Variants in CENPF observed in about 807,000 individuals in gnomAD.
CENPF encodes AH antigen.
CENPF carries 214 observed loss-of-function variants against 307.3 expected under a neutral mutation model. The observed-to-expected ratio is 0.70, with a 90% CI of 0.62 to 0.78. CENPF has a LOEUF of 0.78. Ranked by LOEUF, CENPF falls within the 30% of genes least tolerant of loss-of-function variation. The probability of loss-of-function intolerance (pLI) is 0.00; values close to 1 mark genes in which losing one functional copy is unlikely to be tolerated. For missense variants in CENPF, 3,401 were observed against 3,483.9 expected (o/e 0.98, Z 0.60); for synonymous variants, 1,259 against 1,270.6 (o/e 0.99, Z 0.19).
At chr1:214,653,811 A>G (rs972779328) in intron 16 of CENPF, 2 of 152,206 alleles carry the variant, frequency 1.3e-5, no homozygotes, top group African/African-American at 4.8e-5. Flanking sequence ...TCAAAATCAC[A>G]ATAATTAATA....
At position 214,622,210 on chromosome 1, in the gene CENPF, G is replaced by A. The variant is rs969783226; in HGVS notation, c.997G>A (p.Glu333Lys). 3.7e-6 allele frequency: 6 copies of A among 1,613,948 alleles called. No homozygotes were observed. In the African/African-American group the frequency reaches 4.0e-5, roughly 11 times the overall value. The change falls in exon 7 of 20, where the codon GAG becomes AAG. Residue 333 changes from glutamate to lysine, a missense_variant. Glu to Lys is a moderately conservative substitution (Grantham distance 56). Coordinates refer to ENST00000366955, the MANE Select transcript of CENPF (RefSeq NM_016343.4). The stretch of plus-strand genomic sequence containing the variant: ...AGCAAAAGTGGAATTAATTGAAAAA[G>A]AGAAAGTTTTGAACAAATGTAGGGA... The part of the protein sequence containing the change: ...EKAKVELIEK[E>K]KVLNKCRDEL...
At chr1:214,653,851 G>C (rs918517395) in intron 16 of CENPF, 1 of 152,050 alleles carries the variant, frequency 6.6e-6, no homozygotes, top group African/African-American at 2.4e-5. Flanking sequence ...TGAGATGTTG[G>C]GTTTAATAAT....
chr1:214,635,567 G>T (rs914877339), intron 10 of CENPF, among the ~76,000 whole-genome samples: 1 of 152,174 alleles, frequency 6.6e-6, no homozygotes, highest in African/African-American at 2.4e-5. Flanking sequence ...CTGTAGCCTC[G>T]TGGAAAACTA....
rs774833797 is a variant in CENPF at position 214,629,169 on chromosome 1, G to A, written c.1192G>A (p.Glu398Lys). ...TAAGGAAAAAGAAAAGGAGTTTCAA[G>A]AGGTAAGGTAAATGGATTCATGAGG... ...KIKEKEKEFQ[E>K]ELSRQQRSFQ... Residue 398 changes from glutamate to lysine, a missense_variant and splice_region_variant, in exon 8 of 20, where the codon GAG becomes AAG. Transcript: ENST00000366955. The A allele has an allele frequency of 6.2e-7, 1 of 1,605,668 alleles. No homozygotes were observed. The highest frequency in any genetic ancestry group is 8.5e-7 in the Non-Finnish European group (1 of 1,177,642).
intron 1 of CENPF, among the ~76,000 whole-genome samples, chr1:214,603,985 C>T (rs1365806656): frequency 1.3e-5 from 2 of 152,094 alleles, no homozygotes; most frequent in African/African-American, 2.4e-5. Context: ...TTTATTTGAA[C>T]GCGCCTGTGT....
chr1:214,657,027 C>A lies in CENPF; in HGVS notation c.8580C>A (p.Tyr2860Ter). 1 of 1,613,988 alleles carries A rather than the reference C, an allele frequency of 6.2e-7. No homozygotes were observed. Among genetic ancestry groups the A allele is most frequent in the Non-Finnish European group, 8.5e-7 (1 of 1,179,966 alleles). The change falls in exon 18 of 20, where the codon TAC becomes TAA. Residue 2860 changes from tyrosine to a stop codon, truncating the protein, a stop_gained. Coordinates refer to ENST00000366955, the MANE Select transcript of CENPF (RefSeq NM_016343.4). LOFTEE classifies it high-confidence loss of function. ...AAAAAACCAAGGAGGCAGATGAATACTTGGATAAGTACTGTTCCTTGCTTA... is the reference window on the plus strand; with the variant it reads ...AAAAAACCAAGGAGGCAGATGAATAATTGGATAAGTACTGTTCCTTGCTTA... Reference protein sequence around the residue: ...LEEKTKEADEYLDKYCSLLIS... With the variant: ...LEEKTKEADE
In CENPF at chr1:214,616,988, CTCTCTCTT is replaced by C. The variant is rs1310379967; in HGVS notation, c.360-1573_360-1566del. Among the ~76,000 whole-genome samples, 6 of 136,632 alleles carry C rather than the reference CTCTCTCTT, an allele frequency of 4.4e-5. No homozygotes were observed. In the East Asian group the frequency reaches 1.3e-3, roughly 29 times the overall value. 89.6% of individuals were successfully genotyped at this position (136,632 alleles called of 152,430 possible). A position where few individuals can be genotyped will look rare whatever the true frequency, so the allele number is the denominator to read the frequency against. Reference sequence around the variant, plus strand: ...TCCTTCCCTCCCTCCCTCCCTCCCTCTCTCTCTTTCTCTCTTTCTTTCTTTCTTTCTCT... The same window carrying C: ...TCCTTCCCTCCCTCCCTCCCTCCCTCTCTCTCTTTCTTTCTTTCTTTCTCT... On this transcript the variant is annotated intron_variant, in intron 3 of 19. Coordinates refer to ENST00000366955, the MANE Select transcript of CENPF (RefSeq NM_016343.4).
intron 1 of CENPF, chr1:214,613,349 G>A: frequency 4.3e-6 from 1 of 232,944 alleles, no homozygotes; most frequent in Non-Finnish European, 8.6e-6. Context: ...TCTTCCATCA[G>A]TTGGAAACTT....
chr1:214,605,881 CTTGGACACCTTCTCGATG>C (rs1657013418), intron 1 of CENPF: 3 of 1,597,252 alleles, frequency 1.9e-6, no homozygotes. Flanking sequence ...GCGACGTGAT[CTTGGACACCTTCTCGATG>C]TTAGGGAAGG....
chr1:214,637,465 A>AT (rs371394971), intron 10 of CENPF, among the ~76,000 whole-genome samples: 12,842 of 143,294 alleles, frequency 0.09, 764 homozygotes, highest in African/African-American at 0.17. Context: ...ATGTGCTGAG[A>AT]TTTTTTTTTT....
chr1:214,621,762 A>G (rs1657511772), intron 6 of CENPF, among the ~76,000 whole-genome samples: 1 of 152,208 alleles, frequency 6.6e-6, no homozygotes, highest in East Asian at 1.9e-4. Context: ...ATTTTAACAA[A>G]GGGTGTCATA....
At chr1:214,616,641 A>G (rs981963864) in intron 3 of CENPF, among the ~76,000 whole-genome samples, 11 of 152,144 alleles carry the variant, frequency 7.2e-5, no homozygotes, top group African/African-American at 2.7e-4. Flanking sequence ...GTGCTTTTTA[A>G]ATACTAGTGG....
At position 214,636,327 on chromosome 1, in the gene CENPF, G is replaced by A. The variant is rs1034688755; in HGVS notation, c.1447-1539G>A. Among the ~76,000 whole-genome samples, 10 of 152,254 alleles carry A rather than the reference G, an allele frequency of 6.6e-5. No homozygotes were observed. In the East Asian group the frequency reaches 1.5e-3, roughly 23 times the overall value. On this transcript the variant is annotated intron_variant, in intron 10 of 19. Transcript: ENST00000366955. Reference sequence around the variant, plus strand: ...ATAACATTGTTGCACCTTAATGATCGTGCTTTGCAAAGTTTAACACTGACT... The same window carrying A: ...ATAACATTGTTGCACCTTAATGATCATGCTTTGCAAAGTTTAACACTGACT...
In CENPF at chr1:214,618,713, T is replaced by A; in HGVS notation, c.481+19T>A. 2.5e-6 allele frequency: 4 copies of A among 1,595,740 alleles called. No individual in the cohort carries two copies. The highest frequency in any genetic ancestry group is 3.4e-6 in the Non-Finnish European group (4 of 1,174,318). ...TATAGTGGTAATGCATTTTCTTCCTTGGTATAGACAGCTTTTTGTTTAGCT... is the reference window on the plus strand; with the variant it reads ...TATAGTGGTAATGCATTTTCTTCCTAGGTATAGACAGCTTTTTGTTTAGCT... On this transcript the variant is annotated intron_variant, in intron 4 of 19. Transcript: ENST00000366955.
rs777723819 is a variant in CENPF at position 214,651,892 on chromosome 1, A to ATTGTT, written c.8160+7_8160+8insTGTTT. 6.3e-7 allele frequency: 1 copy of ATTGTT among 1,592,896 alleles called. No individual in the cohort carries two copies. Among genetic ancestry groups the ATTGTT allele is most frequent in the South Asian group, 1.2e-5 (1 of 86,736 alleles). On this transcript the variant is annotated splice_region_variant and intron_variant, in intron 15 of 19. Transcript: ENST00000366955. Reference sequence around the variant, plus strand: ...TTTTGGACACAAACAAACAGGTGAAATGTGGGGTTTGGTTACTGGGGGAGC... The same window carrying ATTGTT: ...TTTTGGACACAAACAAACAGGTGAAATTGTTTGTGGGGTTTGGTTACTGGGGGAGC...
chr1:214,629,794 C>T (rs577361033), intron 8 of CENPF, among the ~76,000 whole-genome samples: 1 of 152,304 alleles, frequency 6.6e-6, no homozygotes, highest in East Asian at 1.9e-4. Flanking sequence ...TCAGGTGATT[C>T]ACCCACCTTG....
At chr1:214,605,675 C>G (rs1295436018) in intron 1 of CENPF, 2 of 1,583,056 alleles carry the variant, frequency 1.3e-6, no homozygotes, top group African/African-American at 1.3e-5. Flanking sequence ...GGTGCCGCCG[C>G]TAGGCGAGCT....
At chr1:214,608,540 A>T in intron 1 of CENPF, 3 of 1,611,720 alleles carry the variant, frequency 1.9e-6, no homozygotes, top group Non-Finnish European at 2.5e-6. Flanking sequence ...ACATACATGC[A>T]GGAGACGCGG....
At position 214,658,864 on chromosome 1, in the gene CENPF, C is replaced by A; in HGVS notation, c.8977C>A (p.Pro2993Thr). The change falls in exon 19 of 20, where the codon CCG becomes ACG. Residue 2993 changes from proline to threonine, a missense_variant. By Grantham distance (38) the Pro-to-Thr change is conservative. Coordinates refer to ENST00000366955, the MANE Select transcript of CENPF (RefSeq NM_016343.4). ...EVVKKGFADI[P>T]TGKTSPYILR... is the part of the protein sequence containing the mutation. ...TTTGCCCTTAGGGTTTGCTGACATC[C>A]CGACAGGAAAGACTAGCCCATATAT... 1 of 1,613,990 alleles carries A rather than the reference C, an allele frequency of 6.2e-7. No individual in the cohort carries two copies. Among genetic ancestry groups the A allele is most frequent in the Non-Finnish European group, 8.5e-7 (1 of 1,179,962 alleles).
Sources: gnomAD v4.1 joint callset for allele counts (sites outside exome capture counted in the v4.1 genomes callset) on GRCh38, gnomAD v4.1.1 for gene constraint, MANE v1.5 for transcripts, NCBI Gene and HGNC (gene_info 2026-07-23, HGNC 2026-07-21) for gene names.